Variants in XDH observed in about 807,000 individuals in gnomAD.
XDH encodes the protein xanthine dehydrogenase.
XDH carries 138 observed loss-of-function variants against 156.1 expected under a neutral mutation model. The observed-to-expected ratio is 0.88, with a 90% CI of 0.77 to 1.02. The LOEUF (loss-of-function observed/expected upper bound fraction) is 1.02. Ranked by LOEUF, XDH falls within the 50% of genes least tolerant of loss-of-function variation. The pLI is 0.00. For synonymous variants in XDH, 669 were observed against 625.7 expected (o/e 1.07, Z -1.03); for missense variants, 1,849 against 1,684.9 (o/e 1.10, Z -1.71).
Position 31,335,088 on chromosome 2 carries a change from C to G in XDH, c.*870G>C, listed in dbSNP as rs1413175610. ...AGCTCTCTATGTTGCCCAGGCTGGT[C>G]TCAAACTGCTGGGCTCAAGCAATTC... On this transcript the variant is annotated 3_prime_UTR_variant, in exon 36 of 36. Coordinates refer to ENST00000379416, the MANE Select transcript of XDH (RefSeq NM_000379.4). 1 of 152,154 alleles carries G rather than the reference C, an allele frequency of 6.6e-6. No homozygotes were observed. Among genetic ancestry groups the G allele is most frequent in the African/African-American group, 2.4e-5 (1 of 41,410 alleles). 9.4% of individuals were successfully genotyped at this position (152,154 alleles called of 1,614,324 possible).
intron 12 of XDH, 51 bp from the exon 13 acceptor site, chr2:31,380,027 C>G (rs369612113): frequency 1.3e-6 from 2 of 1,563,274 alleles, no homozygotes; most frequent in African/African-American, 2.7e-5. Flanking sequence ...AGGCTGGGAA[C>G]CCCCCATGGG....
intron 18 of XDH, among the ~76,000 whole-genome samples, chr2:31,370,028 A>G (rs1686030944): frequency 6.6e-6 from 1 of 152,238 alleles, no homozygotes; most frequent in African/African-American, 2.4e-5. Context: ...TAGTTAGTGT[A>G]CTAAATGTAT....
At position 31,335,867 on chromosome 2, in the gene XDH, G is replaced by A; in HGVS notation, c.*91C>T. The A allele has an allele frequency of 7.0e-7, 1 of 1,431,354 alleles. No individual in the cohort carries two copies. The highest frequency in any genetic ancestry group is 9.9e-7 in the Non-Finnish European group (1 of 1,013,968). 88.7% of individuals were successfully genotyped at this position (1,431,354 alleles called of 1,614,324 possible). A position where few individuals can be genotyped will look rare whatever the true frequency, so the allele number is the denominator to read the frequency against. On this transcript the variant is annotated 3_prime_UTR_variant, in exon 36 of 36. Transcript: ENST00000379416. ...ACAAATCACAGGTCTGTCATTCTGT[G>A]ACTTTAATAGATCCATGTTCTGTGG...
intron 7 of XDH, 105 bp from the exon 8 acceptor site, chr2:31,388,002 G>A (rs1317172066): frequency 4.5e-6 from 6 of 1,333,776 alleles, no homozygotes; most frequent in Non-Finnish European, 6.3e-6. Flanking sequence ...CCAGCCCCCT[G>A]CAGGCTGCAA....
Position 31,352,229 on chromosome 2 carries a change from T to C in XDH, c.2632-2006A>G, listed in dbSNP as rs146372152. ...GTTTCTTTGAACCCCTCTGCTTTCA[T>C]AGTGTCAAGTCATGAGAGCTCATTT... On this transcript the variant is annotated intron_variant, in intron 24 of 35. Coordinates refer to ENST00000379416, the MANE Select transcript of XDH (RefSeq NM_000379.4). 2.0e-5 allele frequency among the ~76,000 whole-genome samples: 3 copies of C among 152,330 alleles called. No homozygotes were observed. In the East Asian group the frequency reaches 5.8e-4, roughly 29 times the overall value.
chr2:31,383,600 G>T (rs1422345735), intron 10 of XDH, among the ~76,000 whole-genome samples, 155 bp downstream of exon 10: 4 of 152,106 alleles, frequency 2.6e-5, no homozygotes, highest in Non-Finnish European at 4.4e-5. Flanking sequence ...AATGAATGGG[G>T]TCTCCTCCCG....
chr2:31,341,434 A>G (rs756591989), intron 32 of XDH, 40 bp from the exon 33 acceptor site: 4 of 1,548,284 alleles, frequency 2.6e-6, no homozygotes, highest in Non-Finnish European at 3.5e-6. Flanking sequence ...TAGAGGAGGA[A>G]AAGATGTTTG....
At chr2:31,337,460 T>C (rs533267900) in intron 35 of XDH, among the ~76,000 whole-genome samples, 181 bp downstream of exon 35, 2 of 152,270 alleles carry the variant, frequency 1.3e-5, no homozygotes, top group East Asian at 1.9e-4. Context: ...GGTTTCTCAT[T>C]ATTCTCTTGC....
At chr2:31,412,125 C>A (rs1687358319) in intron 1 of XDH, among the ~76,000 whole-genome samples, 1 of 152,152 alleles carries the variant, frequency 6.6e-6, no homozygotes, top group South Asian at 2.1e-4. Flanking sequence ...AGTGACTACT[C>A]AGAAAAGCTA....
intron 24 of XDH, among the ~76,000 whole-genome samples, chr2:31,352,685 A>G (rs150053340): frequency 7.2e-5 from 11 of 152,344 alleles, no homozygotes; most frequent in African/African-American, 2.4e-4. Context: ...ATGTTTTTCA[A>G]CGTGATTTTT....
chr2:31,399,205 G>A (rs1206042560), intron 4 of XDH, among the ~76,000 whole-genome samples: 1 of 152,220 alleles, frequency 6.6e-6, no homozygotes, highest in Admixed American at 6.5e-5. Context: ...TAGGAAAAGA[G>A]TAGGGTTTTC....
chr2:31,344,007 G>A (rs1044062312), intron 31 of XDH, among the ~76,000 whole-genome samples: 1 of 151,854 alleles, frequency 6.6e-6, no homozygotes, highest in African/African-American at 2.4e-5. Flanking sequence ...GAAAGAAAAG[G>A]TCCTAGCTAA....
chr2:31,408,166 T>C (rs183926986), intron 1 of XDH, among the ~76,000 whole-genome samples: 63 of 152,356 alleles, frequency 4.1e-4, no homozygotes, highest in African/African-American at 1.5e-3. Flanking sequence ...TCTACTTCCC[T>C]GCCAAGCTGG....
At chr2:31,388,652 T>C (rs1050056989) in intron 6 of XDH, among the ~76,000 whole-genome samples, 2 of 152,174 alleles carry the variant, frequency 1.3e-5, no homozygotes, top group African/African-American at 2.4e-5. Context: ...ATATTCCCAT[T>C]GGCTCTCTCA....
intron 1 of XDH, among the ~76,000 whole-genome samples, chr2:31,406,741 G>A (rs1241285006): frequency 6.6e-6 from 1 of 152,202 alleles, no homozygotes; most frequent in Non-Finnish European, 1.5e-5. Flanking sequence ...GCATCTGAGA[G>A]CATGGCATGC....
At chr2:31,411,616 G>T (rs1687344472) in intron 1 of XDH, among the ~76,000 whole-genome samples, 1 of 152,228 alleles carries the variant, frequency 6.6e-6, no homozygotes, top group Non-Finnish European at 1.5e-5. Flanking sequence ...CAAAGTTAGA[G>T]AAGTAATTTA....
At chr2:31,366,767 C>T in intron 21 of XDH, 103 bp downstream of exon 21, 1 of 1,583,678 alleles carries the variant, frequency 6.3e-7, no homozygotes, top group Non-Finnish European at 8.6e-7. Flanking sequence ...CCCTCTGGAC[C>T]AGCCCACATC....
chr2:31,367,757 C>T (rs2148768665), intron 20 of XDH, among the ~76,000 whole-genome samples: 1 of 152,262 alleles, frequency 6.6e-6, no homozygotes, highest in Admixed American at 6.5e-5. Context: ...TAGGTCCAGC[C>T]TAGAGACAGG....
chr2:31,372,422 G>T, intron 16 of XDH, 25 bp from the exon 17 acceptor site: 1 of 1,613,698 alleles, frequency 6.2e-7, no homozygotes, highest in Non-Finnish European at 8.5e-7. Context: ...TCATCAATCA[G>T]GGTGAGCTGC....
Sources: gnomAD v4.1 joint callset for allele counts (sites outside exome capture counted in the v4.1 genomes callset) on GRCh38, gnomAD v4.1.1 for gene constraint, MANE v1.5 for transcripts, NCBI Gene and HGNC (gene_info 2026-07-23, HGNC 2026-07-21) for gene names.